CORO2B: variants seen among roughly 807,000 people sequenced by gnomAD.
The protein encoded by CORO2B is coronin-2B.
A neutral mutation model predicts 58.8 loss-of-function variants in CORO2B; 26 were observed. That is an observed-to-expected ratio of 0.44 (90% CI 0.32 to 0.61). The LOEUF (loss-of-function observed/expected upper bound fraction) is 0.61. CORO2B is among the 20% of genes least tolerant of loss of function. The pLI is 0.04. For missense variants in CORO2B, 460 were observed against 645.1 expected (o/e 0.71, Z 3.11); for synonymous variants, 242 against 253.8 (o/e 0.95, Z 0.44).
intron 1 of CORO2B, among the ~76,000 whole-genome samples, chr15:68,583,915 C>A (rs1388932289): frequency 2.6e-5 from 4 of 152,242 alleles, no homozygotes; most frequent in Admixed American, 6.5e-5. Flanking sequence ...GCTCTGCCCA[C>A]ACACCCATTA....
chr15:68,659,038 A>G (rs1178766763), intron 2 of CORO2B, among the ~76,000 whole-genome samples: 2 of 152,254 alleles, frequency 1.3e-5, no homozygotes, highest in Non-Finnish European at 2.9e-5. Flanking sequence ...TTTATAAATA[A>G]GTACTTATAT....
chr15:68,695,488 G>A (rs1567011964), intron 3 of CORO2B, among the ~76,000 whole-genome samples: 1 of 152,202 alleles, frequency 6.6e-6, no homozygotes, highest in African/African-American at 2.4e-5. Flanking sequence ...GAGCTTGGAG[G>A]TGTTGCTTTT....
chr15:68,518,870 C>T, the CORO2B span, among the ~76,000 whole-genome samples: 1 of 152,176 alleles, frequency 6.6e-6, no homozygotes, highest in African/African-American at 2.4e-5. Context: ...GGCCCAAGGA[C>T]TCCAGACCCC....
At chr15:68,612,913 G>A (rs1298670942) in intron 1 of CORO2B, among the ~76,000 whole-genome samples, 1 of 152,170 alleles carries the variant, frequency 6.6e-6, no homozygotes, top group African/African-American at 2.4e-5. Context: ...TTTCCTTAGG[G>A]CCTGGAACAA....
intron 2 of CORO2B, among the ~76,000 whole-genome samples, chr15:68,659,230 A>C (rs4108): frequency 0.23 from 34,219 of 152,010 alleles, 4,370 homozygotes; most frequent in East Asian, 0.46. Context: ...TTAAACCTGG[A>C]AGAGTGTGAG....
chr15:68,694,519 C>G (rs1940103621), intron 2 of CORO2B, among the ~76,000 whole-genome samples: 1 of 152,170 alleles, frequency 6.6e-6, no homozygotes, highest in Admixed American at 6.5e-5. Flanking sequence ...GCACTGTGTA[C>G]CGGTGTTCAA....
intron 1 of CORO2B, among the ~76,000 whole-genome samples, chr15:68,601,915 G>C (rs1289892594): frequency 6.6e-6 from 1 of 151,968 alleles, no homozygotes; most frequent in South Asian, 2.1e-4. Context: ...AAGTTCTTTT[G>C]TTTGGCAAGA....
chr15:68,601,932 T>G (rs72746585), intron 1 of CORO2B, among the ~76,000 whole-genome samples: 6,045 of 151,686 alleles, frequency 0.04, 161 homozygotes, highest in Non-Finnish European at 0.058. Context: ...AAGAGCTGCA[T>G]CCTCCAGAGG....
At chr15:68,541,470 G>A in the CORO2B span, among the ~76,000 whole-genome samples, 1 of 152,162 alleles carries the variant, frequency 6.6e-6, no homozygotes, top group Non-Finnish European at 1.5e-5. Flanking sequence ...GGAGGAAAAG[G>A]TGATGGGGGA....
rs181935467 is a variant in CORO2B at position 68,617,684 on chromosome 15, C to T, written c.16-27476C>T. ...TTTGGGTGGGCAATGCTGGCATCAT[C>T]ACTCTCATTTTATAGAAGATGAAAG... is the stretch of plus-strand genomic sequence containing the variant. On this transcript the variant is annotated intron_variant, in intron 1 of 11. Transcript: ENST00000261861. Among the ~76,000 whole-genome samples the T allele has an allele frequency of 4.1e-4, 63 of 152,298 alleles. No individual in the cohort carries two copies. In the East Asian group the frequency reaches 9.8e-3, roughly 24 times the overall value.
intron 2 of CORO2B, among the ~76,000 whole-genome samples, chr15:68,664,590 T>C (rs1902126841): frequency 6.6e-6 from 1 of 151,964 alleles, no homozygotes; most frequent in Non-Finnish European, 1.5e-5. Flanking sequence ...GATCTTGCAG[T>C]GAGCCAAGAT....
intron 2 of CORO2B, among the ~76,000 whole-genome samples, chr15:68,675,168 T>C (rs1157961150): frequency 2.0e-5 from 3 of 152,204 alleles, no homozygotes; most frequent in Admixed American, 2.0e-4. Flanking sequence ...AAGGCAGCCA[T>C]GATGGCGAAA....
rs993972788 is a variant in CORO2B at position 68,727,169 on chromosome 15, T to C, written c.*1195T>C. ...TCAGCCACTTTCAGCCTTATGCACG[T>C]AGAATGACCACAGCCACTCGCATCC... is the stretch of plus-strand genomic sequence containing the variant. On this transcript the variant is annotated 3_prime_UTR_variant, in exon 12 of 12. Transcript: ENST00000261861. The C allele has an allele frequency of 1.3e-5, 2 of 152,666 alleles. No individual in the cohort carries two copies. Among genetic ancestry groups the C allele is most frequent in the African/African-American group, 2.4e-5 (1 of 41,438 alleles). 9.5% of individuals were successfully genotyped at this position (152,666 alleles called of 1,614,324 possible).
chr15:68,709,000 T>G (rs916891204), intron 3 of CORO2B, among the ~76,000 whole-genome samples: 3 of 152,242 alleles, frequency 2.0e-5, no homozygotes, highest in African/African-American at 7.2e-5. Context: ...TTTAACATGC[T>G]TTCTGCATTT....
intron 1 of CORO2B, among the ~76,000 whole-genome samples, chr15:68,625,091 A>C (rs1184114911): frequency 6.6e-6 from 1 of 151,762 alleles, no homozygotes; most frequent in Admixed American, 6.6e-5. Context: ...TCTGCACCAC[A>C]CTCGGCTGTT....
intron 3 of CORO2B, among the ~76,000 whole-genome samples, chr15:68,706,572 A>G (rs918322649): frequency 1.3e-5 from 2 of 152,246 alleles, no homozygotes; most frequent in African/African-American, 4.8e-5. Flanking sequence ...CTTATGCACC[A>G]AGATACAGTA....
At chr15:68,705,806 G>A (rs1422465858) in intron 3 of CORO2B, among the ~76,000 whole-genome samples, 1 of 152,148 alleles carries the variant, frequency 6.6e-6, no homozygotes, top group Non-Finnish European at 1.5e-5. Context: ...ACTTCCAAGA[G>A]CTCTGCACCC....
chr15:68,607,638 CGA>C (rs571134568), intron 1 of CORO2B, among the ~76,000 whole-genome samples: 26 of 151,940 alleles, frequency 1.7e-4, no homozygotes, highest in South Asian at 1.0e-3. Context: ...GGTGACATAG[CGA>C]GAACCCATCT....
intron 1 of CORO2B, among the ~76,000 whole-genome samples, chr15:68,636,472 G>A (rs1052267355): frequency 2.6e-5 from 4 of 152,160 alleles, no homozygotes; most frequent in East Asian, 1.9e-4. Context: ...TTGAGAAGGC[G>A]CCATCCCAGC....
Sources: gnomAD v4.1 joint callset for allele counts (sites outside exome capture counted in the v4.1 genomes callset) on GRCh38, gnomAD v4.1.1 for gene constraint, MANE v1.5 for transcripts, NCBI Gene and HGNC (gene_info 2026-07-23, HGNC 2026-07-21) for gene names.